The following PCDH18 variants were observed in gnomAD, a reference collection of about 807,000 sequenced individuals.
PCDH18 encodes protocadherin 18.
PCDH18 carries 38 observed loss-of-function variants against 71.5 expected under a neutral mutation model. The observed-to-expected ratio is 0.53, with a 90% CI of 0.41 to 0.70. The LOEUF (loss-of-function observed/expected upper bound fraction) is 0.70. PCDH18 is among the 30% of genes least tolerant of loss of function. The pLI, the probability that PCDH18 is intolerant of heterozygous loss-of-function variation, is 0.00. For synonymous variants in PCDH18, 565 were observed against 505.4 expected (o/e 1.12, Z -1.58); for missense variants, 1,334 against 1,384.6 (o/e 0.96, Z 0.58).
chr4:137,526,352 A>T lies in PCDH18; in HGVS notation c.2740+2126T>A, dbSNP rs572179403. 1.6e-4 allele frequency among the ~76,000 whole-genome samples: 25 copies of T among 152,194 alleles called. 1 individual carries two copies. In the South Asian group the frequency reaches 3.3e-3, roughly 20 times the overall value. ...ATAATACAATATTGATGTCATGCCC[A>T]CTATGTTACTTTTCTGTTTAATGAA... On this transcript the variant is annotated intron_variant, in intron 3 of 3. Transcript: ENST00000344876.
chr4:137,529,533 A>G, intron 1 of PCDH18, 69 bp downstream of exon 1: 1 of 1,055,096 alleles, frequency 9.5e-7, no homozygotes, highest in Non-Finnish European at 1.4e-6. Context: ...ACATTTAAGA[A>G]CTAGTAAACA....
intron 3 of PCDH18, among the ~76,000 whole-genome samples, chr4:137,527,420 T>G (rs920613844): frequency 1.3e-5 from 2 of 152,204 alleles, no homozygotes; most frequent in Non-Finnish European, 2.9e-5. Context: ...CTATTTTTTA[T>G]TGTTTAATCC....
At chr4:137,525,118 A>C (rs1731409740) in intron 3 of PCDH18, among the ~76,000 whole-genome samples, 1 of 152,192 alleles carries the variant, frequency 6.6e-6, no homozygotes, top group Non-Finnish European at 1.5e-5. Context: ...GGTGAAGTGA[A>C]TGCAATGGAA....
chr4:137,525,740 C>T (rs750642240), intron 3 of PCDH18, among the ~76,000 whole-genome samples: 1 of 152,142 alleles, frequency 6.6e-6, no homozygotes, highest in African/African-American at 2.4e-5. Context: ...CCTAGTAAGG[C>T]AGAATTGTAT....
chr4:137,524,668 C>T (rs142375980), intron 3 of PCDH18, among the ~76,000 whole-genome samples: 8 of 152,202 alleles, frequency 5.3e-5, no homozygotes, highest in Admixed American at 1.3e-4. Context: ...CTAGCTATAA[C>T]AAAAGATACA....
chr4:137,529,502 T>G (rs185694020), intron 1 of PCDH18, 100 bp downstream of exon 1: 1 of 760,782 alleles, frequency 1.3e-6, no homozygotes, highest in East Asian at 2.7e-5. Context: ...ACAGTATTAG[T>G]ATTGTTACTT....
chr4:137,523,302 A>T (rs1238796799), intron 3 of PCDH18, among the ~76,000 whole-genome samples: 6 of 152,068 alleles, frequency 3.9e-5, no homozygotes, highest in Admixed American at 3.9e-4. Context: ...AGATTTCCTG[A>T]CTTCATGCAG....
intron 3 of PCDH18, among the ~76,000 whole-genome samples, chr4:137,522,299 T>C (rs1200823706): frequency 6.6e-6 from 1 of 152,222 alleles, no homozygotes; most frequent in Non-Finnish European, 1.5e-5. Context: ...AGAAGTTTTC[T>C]TTTAAAGATT....
chr4:137,524,521 T>C (rs1230602139), intron 3 of PCDH18, among the ~76,000 whole-genome samples: 2 of 151,942 alleles, frequency 1.3e-5, no homozygotes, highest in African/African-American at 4.8e-5. Context: ...GAAGCTGAAA[T>C]AGTTAAAGAA....
At position 137,532,362 on chromosome 4, in the gene PCDH18, T is replaced by G. The variant is rs1327308175; in HGVS notation, c.-274A>C. 6 of 702,300 alleles carry G rather than the reference T, an allele frequency of 8.5e-6. No individual in the cohort carries two copies. The highest frequency in any genetic ancestry group is 1.6e-5 in the Non-Finnish European group (6 of 384,918). 43.5% of individuals were successfully genotyped at this position (702,300 alleles called of 1,614,324 possible). A position where few individuals can be genotyped will look rare whatever the true frequency, so the allele number is the denominator to read the frequency against. On this transcript the variant is annotated 5_prime_UTR_variant, in exon 1 of 4. Coordinates refer to ENST00000344876, the MANE Select transcript of PCDH18 (RefSeq NM_019035.5). ...AGTGTCACCTCCGCGTTTTCTCCCT[T>G]GTGTAGTCGGAATCCATCTATTGCA... is the stretch of plus-strand genomic sequence containing the variant.
chr4:137,528,650 A>T lies in PCDH18; in HGVS notation c.2577-9T>A, dbSNP rs1731549236. On this transcript the variant is annotated splice_polypyrimidine_tract_variant and intron_variant, in intron 2 of 3. Coordinates refer to ENST00000344876, the MANE Select transcript of PCDH18 (RefSeq NM_019035.5). ...TGTCTTGAAGGGCATATCTGGAAAG[A>T]TAAATCACAAAAAAAAATTACAGTT... The T allele has an allele frequency of 2.5e-6, 4 of 1,613,470 alleles. No individual in the cohort carries two copies. In the Admixed American group the frequency reaches 6.7e-5, roughly 27 times the overall value.
rs774712521 is a variant in PCDH18, at chr4:137,528,563, A to G, written c.2655T>C (p.Tyr885=). 2.5e-6 allele frequency: 4 copies of G among 1,613,914 alleles called. No individual in the cohort carries two copies. Among genetic ancestry groups the G allele is most frequent in the African/African-American group, 2.7e-5 (2 of 74,896 alleles). ...RGDSEAGDSD[Y]DLGRDSPIDR... ...CTATTGGAGAATCTCGCCCCAAATC[A>G]TAATCACTGTCTCCTGCCTCACTGT... Residue 885 remains tyrosine (Y), a synonymous_variant, in exon 3 of 4, where the codon TAT becomes TAC. Transcript: ENST00000344876.
rs1484435162 is a variant in PCDH18, at chr4:137,530,442, A to G, written c.1647T>C (p.Asp549=). 8 of 1,614,058 alleles carry G rather than the reference A, an allele frequency of 5.0e-6. No individual in the cohort carries two copies. Among genetic ancestry groups the G allele is most frequent in the South Asian group, 1.1e-5 (1 of 91,068 alleles). ...SQITFVVEAR[D]GGSPKQLVSN... ...TTACCAGTTGCTTCGGGCTTCCTCC[A>G]TCTCTTGCTTCTACCACAAAAGTGA... The change falls in exon 1 of 4, where the codon GAT becomes GAC. Residue 549 remains aspartate (D), a synonymous_variant. Coordinates refer to ENST00000344876, the MANE Select transcript of PCDH18 (RefSeq NM_019035.5).
chr4:137,527,657 C>T (rs1461602259), intron 3 of PCDH18, among the ~76,000 whole-genome samples: 1 of 91,218 alleles, frequency 1.1e-5, no homozygotes, highest in Non-Finnish European at 2.1e-5. Flanking sequence ...GTCAATGATC[C>T]ACATTCAGTG....
rs1215003675 is a variant in PCDH18 at position 137,520,865 on chromosome 4, G to C, written c.*164C>G. 4 of 533,452 alleles carry C rather than the reference G, an allele frequency of 7.5e-6. No individual in the cohort carries two copies. Among genetic ancestry groups the C allele is most frequent in the Non-Finnish European group, 1.3e-5 (4 of 302,454 alleles). 33.0% of individuals were successfully genotyped at this position (533,452 alleles called of 1,614,324 possible). On this transcript the variant is annotated 3_prime_UTR_variant, in exon 4 of 4. Transcript: ENST00000344876. ...AATACAGATTAAAATAATCACACTTGCATTGTGTACATACGAAAATACAGT... is the reference window on the plus strand; with the variant it reads ...AATACAGATTAAAATAATCACACTTCCATTGTGTACATACGAAAATACAGT...
At chr4:137,526,663 T>TC (rs992106226) in intron 3 of PCDH18, among the ~76,000 whole-genome samples, 2 of 151,810 alleles carry the variant, frequency 1.3e-5, no homozygotes, top group African/African-American at 4.8e-5. Context: ...TCTCTCGAAG[T>TC]CCCCCCCATA....
chr4:137,519,462 A>G lies in PCDH18; in HGVS notation c.*1567T>C, dbSNP rs1196733386. On this transcript the variant is annotated 3_prime_UTR_variant, in exon 4 of 4. Transcript: ENST00000344876. ...ATTGCTTGCTTACTCTTTTTTCTTT[A>G]TTCCCCAAATGCATTTAACTTATTT... 2 of 151,948 alleles carry G rather than the reference A, an allele frequency of 1.3e-5. No homozygotes were observed. Among genetic ancestry groups the G allele is most frequent in the East Asian group, 3.8e-4 (2 of 5,198 alleles). 9.4% of individuals were successfully genotyped at this position (151,948 alleles called of 1,614,324 possible).
chr4:137,520,394 TC>T lies in PCDH18; in HGVS notation c.*634del, dbSNP rs1402955063. The T allele has an allele frequency of 6.6e-5, 10 of 152,334 alleles. No homozygotes were observed. The East Asian group carries it at 1.9e-3, about 29-fold the overall frequency. 9.4% of individuals were successfully genotyped at this position (152,334 alleles called of 1,614,324 possible). On this transcript the variant is annotated 3_prime_UTR_variant, in exon 4 of 4. Transcript: ENST00000344876. ...GACTTTAATTCTGTTTTCATCATTG[TC>T]TATAAAAAGTTCATTTGAGATAGTC...
In PCDH18 at chr4:137,530,831, T is replaced by A; in HGVS notation, c.1258A>T (p.Asn420Tyr). 1 of 1,609,866 alleles carries A rather than the reference T, an allele frequency of 6.2e-7. No individual in the cohort carries two copies. Among genetic ancestry groups the A allele is most frequent in the Non-Finnish European group, 8.5e-7 (1 of 1,177,274 alleles). The part of the protein sequence containing the change: ...TYENNYLILT[N>Y]ATLDREKRSE... ...CTCTTTTCTCTATCCAGTGTGGCAT[T>A]AGTTAAGATTAAATAATTGTTTTCA... Residue 420 changes from asparagine (N) to tyrosine (Y), a missense_variant, in exon 1 of 4, where the codon AAT becomes TAT. Around this residue, in one of 3 missense-constraint regions of PCDH18, gnomAD observed 1,011 missense variants for 1,048.0 expected, o/e 0.96. Coordinates refer to ENST00000344876, the MANE Select transcript of PCDH18 (RefSeq NM_019035.5).
Sources: allele counts gnomAD v4.1 joint callset (sites outside exome capture counted in the v4.1 genomes callset), GRCh38; gene constraint gnomAD v4.1.1; regional missense constraint gnomAD v4.1.1; transcripts MANE v1.5; gene names NCBI Gene and HGNC (gene_info 2026-07-23, HGNC 2026-07-21).